Variants in PUS7 observed in about 807,000 individuals in gnomAD.
PUS7 encodes the protein pseudouridylate synthase 7 homolog.
A neutral mutation model predicts 79.8 loss-of-function variants in PUS7; 48 were observed. The observed-to-expected ratio is 0.60, with a 90% CI of 0.48 to 0.76. The LOEUF (loss-of-function observed/expected upper bound fraction) is 0.76. PUS7 is among the 30% of genes least tolerant of loss of function. The pLI, the probability that PUS7 is intolerant of heterozygous loss-of-function variation, is 0.00. For synonymous variants in PUS7, 286 were observed against 272.2 expected (o/e 1.05, Z -0.50); for missense variants, 729 against 797.6 (o/e 0.91, Z 1.04).
At chr7:105,480,985 C>G in intron 9 of PUS7, 67 bp downstream of exon 9, 1 of 1,510,016 alleles carries the variant, frequency 6.6e-7, no homozygotes, top group South Asian at 1.2e-5. Flanking sequence ...ATTAAAAACA[C>G]CACCACCAAC....
chr7:105,511,792 A>G (rs988810234), intron 1 of PUS7, among the ~76,000 whole-genome samples: 1 of 152,020 alleles, frequency 6.6e-6, no homozygotes, highest in Non-Finnish European at 1.5e-5. Context: ...ACAAAACAAA[A>G]AAGTATTATG....
At chr7:105,499,881 T>TCAGGAGGA (rs1825180059) in intron 5 of PUS7, among the ~76,000 whole-genome samples, 1 of 152,224 alleles carries the variant, frequency 6.6e-6, no homozygotes, top group African/African-American at 2.4e-5. Context: ...GCAAGATGGC[T>TCAGGAGGA]CAGGAGGACA....
intron 8 of PUS7, among the ~76,000 whole-genome samples, chr7:105,481,558 C>T (rs1367219580): frequency 5.3e-5 from 8 of 152,084 alleles, no homozygotes; most frequent in Non-Finnish European, 1.2e-4. Flanking sequence ...TTGGACAATC[C>T]TCACCACTAT....
chr7:105,462,458 G>GT (rs1823472205), intron 14 of PUS7, 163 bp downstream of exon 14: 10 of 758,186 alleles, frequency 1.3e-5, no homozygotes, highest in Non-Finnish European at 2.0e-5. Context: ...AAAACAAAAG[G>GT]TAAGTAAAAA....
intron 9 of PUS7, among the ~76,000 whole-genome samples, chr7:105,479,745 C>T (rs545121594): frequency 2.9e-3 from 442 of 152,268 alleles, no homozygotes; most frequent in Admixed American, 6.1e-3. Context: ...TGCCTGTAAT[C>T]CCAGCACTTA....
intron 7 of PUS7, 100 bp from the exon 8 acceptor site, chr7:105,482,540 G>GCAC: frequency 1.6e-6 from 2 of 1,255,800 alleles, no homozygotes; most frequent in South Asian, 2.8e-5. Context: ...ACAAGATACA[G>GCAC]CACACCTATG....
chr7:105,466,802 C>T (rs76014476), intron 12 of PUS7, among the ~76,000 whole-genome samples: 3,528 of 150,932 alleles, frequency 0.023, 54 homozygotes, highest in African/African-American at 0.031. Flanking sequence ...TGAAACACAG[C>T]GGCACCCAGG....
At position 105,495,137 on chromosome 7, in the gene PUS7, C is replaced by T. The variant is rs1480177642; in HGVS notation, c.842+5G>A. 1 of 1,532,608 alleles carries T rather than the reference C, an allele frequency of 6.5e-7. No homozygotes were observed. Among genetic ancestry groups the T allele is most frequent in the Non-Finnish European group, 9.0e-7 (1 of 1,113,974 alleles). The allele number at this position is 1,532,608 out of a possible 1,614,324, so 94.9% of individuals were successfully genotyped here. On this transcript the variant is annotated splice_donor_5th_base_variant and intron_variant, in intron 6 of 15. Coordinates refer to ENST00000469408, the MANE Select transcript of PUS7 (RefSeq NM_019042.5). ...TTTTGTATAGGCATAACAACAGTAA[C>T]TCACCTTAAGTATTTGGAGAGTACA...
intron 5 of PUS7, 62 bp from the exon 6 acceptor site, chr7:105,495,315 A>C (rs756107998): frequency 1.1e-6 from 1 of 931,574 alleles, no homozygotes; most frequent in Non-Finnish European, 1.7e-6. Context: ...GTAAGAGCTC[A>C]TTTTTCGCTA....
chr7:105,463,943 A>G (rs1017211884), intron 13 of PUS7, among the ~76,000 whole-genome samples: 9 of 152,226 alleles, frequency 5.9e-5, no homozygotes, highest in African/African-American at 2.2e-4. Flanking sequence ...CAAGTTACTC[A>G]TAAAAAATAT....
Position 105,457,283 on chromosome 7 carries a change from CT to C in PUS7, c.*506del, listed in dbSNP as rs1336324781. ...TACATAAGCAGGATAATGACAATCA[CT>C]TTTTGTTTATAAATTTGTAGATGTC... On this transcript the variant is annotated 3_prime_UTR_variant, in exon 16 of 16. Coordinates refer to ENST00000469408, the MANE Select transcript of PUS7 (RefSeq NM_019042.5). 2 of 152,172 alleles carry C rather than the reference CT, an allele frequency of 1.3e-5. No homozygotes were observed. Among genetic ancestry groups the C allele is most frequent in the Admixed American group, 6.6e-5 (1 of 15,266 alleles). 9.4% of individuals were successfully genotyped at this position (152,172 alleles called of 1,614,324 possible).
intron 12 of PUS7, 70 bp downstream of exon 12, chr7:105,468,267 T>A: frequency 1.7e-5 from 27 of 1,560,310 alleles, no homozygotes; most frequent in Non-Finnish European, 2.3e-5. Context: ...CCAGGATGGA[T>A]TTTAAAGCCA....
chr7:105,473,985 C>T (rs1695554086), intron 9 of PUS7, among the ~76,000 whole-genome samples: 1 of 152,172 alleles, frequency 6.6e-6, no homozygotes, highest in Non-Finnish European at 1.5e-5. Flanking sequence ...GTAATTCTTC[C>T]TTTAACTTTT....
chr7:105,490,874 T>A (rs1188788701), intron 7 of PUS7, among the ~76,000 whole-genome samples: 2 of 152,170 alleles, frequency 1.3e-5, no homozygotes, highest in African/African-American at 4.8e-5. Flanking sequence ...TTTGCTATCA[T>A]AACTGGGCAA....
chr7:105,482,170 C>A, intron 8 of PUS7, 142 bp downstream of exon 8: 1 of 963,324 alleles, frequency 1.0e-6, no homozygotes. Flanking sequence ...CCAGCCCTGC[C>A]AGGCCCTGCT....
intron 7 of PUS7, among the ~76,000 whole-genome samples, chr7:105,490,591 A>G (rs963075813): frequency 3.3e-5 from 5 of 151,962 alleles, no homozygotes; most frequent in African/African-American, 1.2e-4. Flanking sequence ...AAGACCCTCA[A>G]CCTGACCTAA....
Position 105,462,737 on chromosome 7 carries a change from G to C in PUS7, c.1641C>G (p.Tyr547Ter). Reference sequence around the variant, plus strand: ...GATTGTCAGCTGTGAGCATTTCCCTGTAGGCTTCTTGAACTAATATAAAAT... The same window carrying C: ...GATTGTCAGCTGTGAGCATTTCCCTCTAGGCTTCTTGAACTAATATAAAAT... The part of the protein sequence containing the change: ...IYPKHKIQEA[Y>*]REMLTADNLD... Residue 547 changes from tyrosine (Y) to a stop codon, truncating the protein, a stop_gained, in exon 14 of 16, where the codon TAC becomes TAG. Transcript: ENST00000469408. LOFTEE classifies it high-confidence loss of function. 1.2e-6 allele frequency: 2 copies of C among 1,611,764 alleles called. No homozygotes were observed. Among genetic ancestry groups the C allele is most frequent in the Non-Finnish European group, 1.7e-6 (2 of 1,179,524 alleles).
chr7:105,471,957 T>G (rs1315608351), intron 10 of PUS7, among the ~76,000 whole-genome samples, 175 bp downstream of exon 10: 2 of 150,922 alleles, frequency 1.3e-5, no homozygotes, highest in Non-Finnish European at 2.9e-5. Context: ...TTATAAATCT[T>G]AAATATACAT....
Position 105,482,415 on chromosome 7 carries a change from G to C in PUS7, c.946C>G (p.Leu316Val). ...TTAAAGTTCATCAAGCACTTATTCA[G>C]GTGGGCAAGTCTTTGTGCAGTTATT... ...LKITAQRLAH[L>V]NKCLMNFKLG... Residue 316 changes from leucine (L) to valine (V), a missense_variant, in exon 8 of 16, where the codon CTG becomes GTG. Transcript: ENST00000469408. 2.5e-6 allele frequency: 4 copies of C among 1,609,696 alleles called. No homozygotes were observed. Among genetic ancestry groups the C allele is most frequent in the Non-Finnish European group, 3.4e-6 (4 of 1,178,040 alleles).
Sources: gnomAD v4.1 joint callset for allele counts (sites outside exome capture counted in the v4.1 genomes callset) on GRCh38, gnomAD v4.1.1 for gene constraint, MANE v1.5 for transcripts, NCBI Gene and HGNC (gene_info 2026-07-23, HGNC 2026-07-21) for gene names.